Variants in FMNL2 observed in about 807,000 individuals in gnomAD.
The protein encoded by FMNL2 is formin like 2.
A neutral mutation model predicts 130.2 loss-of-function variants in FMNL2; 51 were observed. The ratio of observed to expected loss-of-function variants is 0.39; its 90% CI spans 0.31 to 0.49. The LOEUF (loss-of-function observed/expected upper bound fraction) is 0.49, where lower values mean the gene tolerates loss of function less well. FMNL2 is among the 20% of genes least tolerant of loss of function. The pLI is 0.85. For synonymous variants in FMNL2, 465 were observed against 467.1 expected (o/e 1.00, Z 0.06); for missense variants, 977 against 1,316.2 (o/e 0.74, Z 3.99).
chr2:152,532,808 A>T (rs1223000923), intron 2 of FMNL2, among the ~76,000 whole-genome samples: 1 of 151,970 alleles, frequency 6.6e-6, no homozygotes, highest in Non-Finnish European at 1.5e-5. Flanking sequence ...GGGTTTCACC[A>T]CGTTGGCCAG....
chr2:152,364,261 G>GTGT (rs1173644376), intron 1 of FMNL2, among the ~76,000 whole-genome samples: 20 of 24,476 alleles, frequency 8.2e-4, no homozygotes, highest in African/African-American at 2.4e-3. Flanking sequence ...AGGTTTGTGT[G>GTGT]TTTTTTTTTT....
intron 2 of FMNL2, among the ~76,000 whole-genome samples, chr2:152,525,753 C>A (rs1178895872): frequency 6.6e-6 from 1 of 152,196 alleles, no homozygotes; most frequent in East Asian, 1.9e-4. Context: ...CCAGGCTTGG[C>A]ATGGGTCCTG....
chr2:152,524,804 GT>G (rs765606437), intron 2 of FMNL2, among the ~76,000 whole-genome samples: 2 of 152,112 alleles, frequency 1.3e-5, no homozygotes, highest in Non-Finnish European at 2.9e-5. Flanking sequence ...AGCACAGTGG[GT>G]ACTGTGGATA....
intron 1 of FMNL2, among the ~76,000 whole-genome samples, chr2:152,480,428 A>G (rs954321744): frequency 5.9e-5 from 9 of 152,060 alleles, no homozygotes; most frequent in Non-Finnish European, 1.5e-5. Context: ...GTCGGAGTCC[A>G]GAACCAGCCT....
chr2:152,369,360 A>G (rs1177785541), intron 1 of FMNL2, among the ~76,000 whole-genome samples: 1 of 152,236 alleles, frequency 6.6e-6, no homozygotes, highest in South Asian at 2.1e-4. Flanking sequence ...TTAAATCCAG[A>G]TTAGTCACAT....
intron 1 of FMNL2, among the ~76,000 whole-genome samples, chr2:152,519,122 G>A (rs73002191): frequency 0.16 from 23,563 of 151,918 alleles, 2,287 homozygotes; most frequent in East Asian, 0.37. Flanking sequence ...GTGTGCTTTC[G>A]TCCGCCCTCT....
chr2:152,644,560 C>G (rs1264010569), intron 25 of FMNL2, among the ~76,000 whole-genome samples: 1 of 152,190 alleles, frequency 6.6e-6, no homozygotes, highest in African/African-American at 2.4e-5. Flanking sequence ...TAGTAGGCCA[C>G]CTCTATTCCT....
In FMNL2 at chr2:152,619,573, T is replaced by TCCCCC; in HGVS notation, c.1693_1697dup (p.Pro568HisfsTer22). 2 of 513,570 alleles carry TCCCCC rather than the reference T, an allele frequency of 3.9e-6. No individual in the cohort carries two copies. Among genetic ancestry groups the TCCCCC allele is most frequent in the Admixed American group, 5.6e-5 (1 of 17,870 alleles). The allele number at this position is 513,570 out of a possible 1,614,324, so 31.8% of individuals were successfully genotyped here. ...CGCCGCCCCCTCCTCCACCTCCTCC[T>TCCCCC]CCCCCACCGCCCCCTCCGCCTCCTC... On this transcript the variant is annotated frameshift_variant, in exon 15 of 26. Coordinates refer to ENST00000288670, the MANE Select transcript of FMNL2 (RefSeq NM_052905.4). LOFTEE classifies it high-confidence loss of function.
At chr2:152,628,581 A>T in intron 18 of FMNL2, 48 bp downstream of exon 18, 1 of 1,522,502 alleles carries the variant, frequency 6.6e-7, no homozygotes, top group Non-Finnish European at 9.1e-7. Context: ...GAAATGTGGA[A>T]TCGTTATTTT....
rs191888017 is a variant in FMNL2, at chr2:152,573,939, C to T, written c.597-1197C>T. 3.0e-3 allele frequency among the ~76,000 whole-genome samples: 462 copies of T among 152,180 alleles called. 1 individual carries two copies. The highest frequency in any genetic ancestry group is 5.1e-3 in the Non-Finnish European group (346 of 67,984). On this transcript the variant is annotated intron_variant, in intron 6 of 25. Coordinates refer to ENST00000288670, the MANE Select transcript of FMNL2 (RefSeq NM_052905.4). Reference sequence around the variant, plus strand: ...ATCCAGAAAATGTATTTGAGATTAGCTATCTACTGCAACAAATAGAAGCCC... The same window carrying T: ...ATCCAGAAAATGTATTTGAGATTAGTTATCTACTGCAACAAATAGAAGCCC...
chr2:152,358,035 T>C (rs1682933579), intron 1 of FMNL2, among the ~76,000 whole-genome samples: 1 of 152,126 alleles, frequency 6.6e-6, no homozygotes, highest in African/African-American at 2.4e-5. Context: ...CAGCTGCCAG[T>C]GTGGCTAGAA....
At chr2:152,427,795 A>G (rs1488395537) in intron 1 of FMNL2, among the ~76,000 whole-genome samples, 2 of 152,152 alleles carry the variant, frequency 1.3e-5, no homozygotes, top group African/African-American at 2.4e-5. Context: ...AGAATCGTGT[A>G]TGCAGTCAAG....
rs561694565 is a variant in FMNL2, at chr2:152,550,220, T to C, written c.359+1123T>C. 2.2e-4 allele frequency among the ~76,000 whole-genome samples: 33 copies of C among 152,358 alleles called. No individual in the cohort carries two copies. In the South Asian group the frequency reaches 5.4e-3, roughly 25 times the overall value. ...AGACTGCTGTAAGCCATTCAAATGG[T>C]TAATTAGCATAGTTATTTCAAAATA... On this transcript the variant is annotated intron_variant, in intron 4 of 25. Coordinates refer to ENST00000288670, the MANE Select transcript of FMNL2 (RefSeq NM_052905.4).
chr2:152,572,047 T>C (rs1278173244), intron 6 of FMNL2, among the ~76,000 whole-genome samples: 1 of 152,162 alleles, frequency 6.6e-6, no homozygotes, highest in Non-Finnish European at 1.5e-5. Context: ...CAACACCAGG[T>C]AGTAAGATTT....
chr2:152,554,966 G>A (rs992885223), intron 4 of FMNL2, among the ~76,000 whole-genome samples: 1 of 152,168 alleles, frequency 6.6e-6, no homozygotes, highest in East Asian at 1.9e-4. Flanking sequence ...TGAAAAAGAT[G>A]TGTACTAAAT....
intron 9 of FMNL2, among the ~76,000 whole-genome samples, chr2:152,591,073 G>A (rs1416660386): frequency 7.7e-6 from 1 of 130,626 alleles, no homozygotes; most frequent in African/African-American, 3.0e-5. Context: ...GCAGTGGCGC[G>A]ATCTCAGCTC....
At chr2:152,393,205 T>G (rs1200255393) in intron 1 of FMNL2, among the ~76,000 whole-genome samples, 1 of 152,196 alleles carries the variant, frequency 6.6e-6, no homozygotes, top group Admixed American at 6.5e-5. Flanking sequence ...CACTGTGGTA[T>G]CAACACTTTA....
intron 2 of FMNL2, among the ~76,000 whole-genome samples, chr2:152,534,815 G>A (rs574216405): frequency 6.6e-6 from 1 of 152,134 alleles, no homozygotes; most frequent in Non-Finnish European, 1.5e-5. Flanking sequence ...ATTCTCGCTA[G>A]TCTAAATAAA....
At chr2:152,579,099 C>A in intron 8 of FMNL2, 135 bp downstream of exon 8, 1 of 712,686 alleles carries the variant, frequency 1.4e-6, no homozygotes, top group South Asian at 2.0e-5. Context: ...AACTCTTTGG[C>A]TGTGTAAGAA....
Sources: allele counts gnomAD v4.1 joint callset (sites outside exome capture counted in the v4.1 genomes callset), GRCh38; gene constraint gnomAD v4.1.1; transcripts MANE v1.5; gene names NCBI Gene and HGNC (gene_info 2026-07-23, HGNC 2026-07-21).